USP53: variants seen among roughly 807,000 people sequenced by gnomAD.
USP53 encodes the protein ubiquitin carboxyl-terminal hydrolase 53.
Under a neutral mutation model 94.9 loss-of-function variants are expected in USP53, and 71 were observed. The observed-to-expected ratio is 0.75, with a 90% CI of 0.62 to 0.91. The LOEUF is 0.91. Ranked by LOEUF, USP53 falls within the 40% of genes least tolerant of loss-of-function variation. The pLI is 0.00. For missense variants in USP53, 1,173 were observed against 1,281.0 expected, an observed-to-expected ratio of 0.92 and a Z score of 1.29; for synonymous variants, 375 against 422.7, an observed-to-expected ratio of 0.89 and a Z score of 1.39.
intron 12 of USP53, among the ~76,000 whole-genome samples, chr4:119,262,091 G>C (rs1416346530): frequency 6.6e-6 from 1 of 152,104 alleles, no homozygotes; most frequent in Non-Finnish European, 1.5e-5. Context: ...ATAATAATAA[G>C]TAAACTAATG....
intron 7 of USP53, among the ~76,000 whole-genome samples, chr4:119,252,479 G>A (rs1578480426): frequency 1.3e-5 from 2 of 152,158 alleles, no homozygotes; most frequent in East Asian, 3.8e-4. Context: ...TATGTGTCCA[G>A]AAATTTATCC....
chr4:119,261,945 C>A, intron 12 of USP53, 81 bp downstream of exon 12: 1 of 1,110,520 alleles, frequency 9.0e-7, no homozygotes, highest in Non-Finnish European at 1.2e-6. Context: ...TATTAATATT[C>A]AAAAGGATGA....
chr4:119,216,898 A>T (rs1055722576), intron 2 of USP53, among the ~76,000 whole-genome samples: 1 of 152,184 alleles, frequency 6.6e-6, no homozygotes, highest in African/African-American at 2.4e-5. Flanking sequence ...CCTTGTTGAC[A>T]TTGTTAAAAA....
At chr4:119,240,515 A>T (rs1046941446) in intron 5 of USP53, among the ~76,000 whole-genome samples, 7 of 152,192 alleles carry the variant, frequency 4.6e-5, no homozygotes, top group African/African-American at 1.7e-4. Flanking sequence ...TATAGATTTT[A>T]TAGATCCTGT....
intron 12 of USP53, among the ~76,000 whole-genome samples, chr4:119,265,756 A>C (rs1578514653): frequency 6.6e-6 from 1 of 152,192 alleles, no homozygotes; most frequent in East Asian, 1.9e-4. Flanking sequence ...AAACAGCTGA[A>C]TATGTGTAGT....
intron 9 of USP53, among the ~76,000 whole-genome samples, chr4:119,258,830 C>G (rs1750099637): frequency 6.6e-6 from 1 of 152,150 alleles, no homozygotes; most frequent in Admixed American, 6.5e-5. Flanking sequence ...ATTTTGGGAG[C>G]TACAATTCAA....
At chr4:119,228,233 GGTT>G (rs1186842639) in intron 3 of USP53, among the ~76,000 whole-genome samples, 3 of 152,160 alleles carry the variant, frequency 2.0e-5, no homozygotes, top group African/African-American at 7.2e-5. Flanking sequence ...GGTTCATTCA[GGTT>G]GTTGGCAGAA....
At chr4:119,216,253 C>T (rs1251918178) in intron 2 of USP53, among the ~76,000 whole-genome samples, 1 of 152,006 alleles carries the variant, frequency 6.6e-6, no homozygotes, top group Non-Finnish European at 1.5e-5. Flanking sequence ...TGGTGGTGCA[C>T]ACCTGTGGTC....
rs755465727 is a variant in USP53, at chr4:119,269,649, G to C, written c.1289-42G>C. ...AATTTTTATTTTTATTGGGCAATTT[G>C]AAAAATGATCTGTATCATAGTAAGA... is the stretch of plus-strand genomic sequence containing the variant. On this transcript the variant is annotated intron_variant, in intron 14 of 18. Transcript: ENST00000692078. 8 of 1,287,546 alleles carry C rather than the reference G, an allele frequency of 6.2e-6. No individual in the cohort carries two copies. The South Asian group carries it at 2.4e-4, about 39-fold the overall frequency. The allele number at this position is 1,287,546 out of a possible 1,614,324, so 79.8% of individuals were successfully genotyped here. A position where few individuals can be genotyped will look rare whatever the true frequency, so the allele number is the denominator to read the frequency against.
Position 119,293,320 on chromosome 4 carries a change from C to T in USP53, c.*109C>T. On this transcript the variant is annotated 3_prime_UTR_variant, in exon 19 of 19. Coordinates refer to ENST00000692078, the MANE Select transcript of USP53 (RefSeq NM_001371395.1). ...TGTAATAGATAACTGGTAAAACTGA[C>T]CAACTTTTACTTCTCAGAGGCCATT... 1 of 1,253,254 alleles carries T rather than the reference C, an allele frequency of 8.0e-7. No individual in the cohort carries two copies. The highest frequency in any genetic ancestry group is 1.6e-5 in the South Asian group (1 of 62,464). 77.6% of individuals were successfully genotyped at this position (1,253,254 alleles called of 1,614,324 possible).
chr4:119,222,043 T>A (rs1171544878), intron 3 of USP53, among the ~76,000 whole-genome samples: 6 of 152,260 alleles, frequency 3.9e-5, no homozygotes, highest in Non-Finnish European at 7.3e-5. Context: ...TAAATATGAA[T>A]TCTGTATTGC....
chr4:119,231,554 A>G (rs1746080512), intron 3 of USP53, among the ~76,000 whole-genome samples: 1 of 152,138 alleles, frequency 6.6e-6, no homozygotes, highest in Non-Finnish European at 1.5e-5. Flanking sequence ...ACTGTACTAT[A>G]ATGCCTCTGG....
At position 119,293,101 on chromosome 4, in the gene USP53, T is replaced by C. The variant is rs748838868; in HGVS notation, c.3112T>C (p.Tyr1038His). Residue 1038 changes from tyrosine to histidine, a missense_variant, in exon 19 of 19, where the codon TAT (tyrosine) becomes CAT (histidine). Transcript: ENST00000692078. The stretch of plus-strand genomic sequence containing the variant: ...AAATGAGACAGTTTCATTAACTACC[T>C]ATTTTTCAGTTGATAGCTGCATGAC... ...CPNETVSLTT[Y>H]FSVDSCMTDT... 3 of 1,614,056 alleles carry C rather than the reference T, an allele frequency of 1.9e-6. No individual in the cohort carries two copies. Among genetic ancestry groups the C allele is most frequent in the Non-Finnish European group, 2.5e-6 (3 of 1,179,930 alleles).
At chr4:119,215,275 G>T (rs1743563009) in intron 2 of USP53, among the ~76,000 whole-genome samples, 1 of 152,138 alleles carries the variant, frequency 6.6e-6, no homozygotes, top group Admixed American at 6.5e-5. Context: ...TTATACTGAT[G>T]ATTTTAGAAA....
rs1553961988 is a variant in USP53, at chr4:119,213,641, G to GATAGATATAT, written c.-941-426_-941-425insGATATATATA. ...CCGAAAGTTTCCTTATCTGGAAATA[G>GATAGATATAT]ATATATATATATATATATATGTGTG... On this transcript the variant is annotated intron_variant, in intron 1 of 18. Transcript: ENST00000692078. Among the ~76,000 whole-genome samples, 6 of 108,112 alleles carry GATAGATATAT rather than the reference G, an allele frequency of 5.5e-5. No individual in the cohort carries two copies. In the East Asian group the frequency reaches 7.1e-4, roughly 13 times the overall value. 70.9% of individuals were successfully genotyped at this position (108,112 alleles called of 152,430 possible). A position where few individuals can be genotyped will look rare whatever the true frequency, so the allele number is the denominator to read the frequency against.
intron 12 of USP53, among the ~76,000 whole-genome samples, chr4:119,263,092 G>A (rs138896591): frequency 7.8e-4 from 119 of 152,182 alleles, no homozygotes; most frequent in African/African-American, 2.8e-3. Flanking sequence ...ATAACAAAAG[G>A]CCATTTATCA....
At chr4:119,223,928 T>C (rs1273853260) in intron 3 of USP53, among the ~76,000 whole-genome samples, 4 of 152,218 alleles carry the variant, frequency 2.6e-5, no homozygotes, top group African/African-American at 9.6e-5. Context: ...ATGATTTGCA[T>C]CACAGTCTAA....
In USP53 at chr4:119,289,117, C is replaced by T. The variant is rs531922813; in HGVS notation, c.2252-2048C>T. Among the ~76,000 whole-genome samples, 10 of 152,212 alleles carry T rather than the reference C, an allele frequency of 6.6e-5. No homozygotes were observed. In the South Asian group the frequency reaches 1.7e-3, roughly 25 times the overall value. Reference sequence around the variant, plus strand: ...ACTTGTGGTGGATACAAGTTTTCTTCAAACAGGTGTCATGCTTAGTATTAC... The same window carrying T: ...ACTTGTGGTGGATACAAGTTTTCTTTAAACAGGTGTCATGCTTAGTATTAC... On this transcript the variant is annotated intron_variant, in intron 17 of 18. Transcript: ENST00000692078.
intron 17 of USP53, among the ~76,000 whole-genome samples, chr4:119,274,229 C>G (rs1432318008): frequency 6.8e-6 from 1 of 147,800 alleles, no homozygotes; most frequent in African/African-American, 2.5e-5. Flanking sequence ...GTATATCTCC[C>G]AGTGCTATCC....
Sources: allele counts gnomAD v4.1 joint callset (sites outside exome capture counted in the v4.1 genomes callset), GRCh38; gene constraint gnomAD v4.1.1; transcripts MANE v1.5; gene names NCBI Gene and HGNC (gene_info 2026-07-23, HGNC 2026-07-21).